The following RSPO3 variants were observed in gnomAD, a reference collection of about 807,000 sequenced individuals.
The protein encoded by RSPO3 is R-spondin 3, also known as R-spondin-3.
A neutral mutation model predicts 36.5 loss-of-function variants in RSPO3; 17 were observed. The ratio of observed to expected loss-of-function variants is 0.47; its 90% CI spans 0.32 to 0.70. The LOEUF (loss-of-function observed/expected upper bound fraction) is 0.70. Among genes scored for constraint, RSPO3 ranks in the 30% least tolerant of loss-of-function variants. The probability of loss-of-function intolerance (pLI) is 0.04; values close to 1 mark genes in which losing one functional copy is unlikely to be tolerated. For synonymous variants in RSPO3, 108 were observed against 107.0 expected, an observed-to-expected ratio of 1.01 and a Z score of -0.06; for missense variants, 294 against 322.5, an observed-to-expected ratio of 0.91 and a Z score of 0.68.
chr6:127,152,554 A>G (rs565840373), intron 3 of RSPO3, among the ~76,000 whole-genome samples: 2 of 152,256 alleles, frequency 1.3e-5, no homozygotes, highest in East Asian at 3.9e-4. Flanking sequence ...TAGTAGCCTG[A>G]CTTTAGCTTC....
chr6:127,189,726 T>C (rs1369947735), intron 4 of RSPO3, among the ~76,000 whole-genome samples: 1 of 152,130 alleles, frequency 6.6e-6, no homozygotes. Context: ...TTTAGTAGAG[T>C]ATGTAATGAT....
At chr6:127,161,465 T>C (rs1774709269) in intron 4 of RSPO3, among the ~76,000 whole-genome samples, 1 of 152,196 alleles carries the variant, frequency 6.6e-6, no homozygotes, top group Non-Finnish European at 1.5e-5. Context: ...CCTCTTACAA[T>C]TCAGACCAAG....
At chr6:127,148,506 A>G (rs1774429810) in intron 1 of RSPO3, 142 bp from the exon 2 acceptor site, 3 of 552,728 alleles carry the variant, frequency 5.4e-6, no homozygotes, top group Non-Finnish European at 9.3e-6. Flanking sequence ...ATAAAAAAAG[A>G]TAGGAAAAAA....
chr6:127,148,954 G>C (rs1774438034), intron 2 of RSPO3, 115 bp downstream of exon 2: 1 of 845,530 alleles, frequency 1.2e-6, no homozygotes, highest in Admixed American at 2.9e-5. Context: ...ATGTTTATCT[G>C]ATAATTAGGC....
intron 4 of RSPO3, among the ~76,000 whole-genome samples, chr6:127,182,406 T>G (rs1313311182): frequency 6.6e-6 from 1 of 151,856 alleles, no homozygotes; most frequent in Non-Finnish European, 1.5e-5. Context: ...TCTTTACCCC[T>G]TTAAAACTTT....
chr6:127,133,968 A>G (rs185642134), intron 1 of RSPO3, among the ~76,000 whole-genome samples: 54 of 152,292 alleles, frequency 3.5e-4, no homozygotes, highest in African/African-American at 1.2e-3. Flanking sequence ...GATAAATTAG[A>G]GCACTTTAGA....
At chr6:127,183,626 G>A (rs1048547882) in intron 4 of RSPO3, among the ~76,000 whole-genome samples, 2 of 151,952 alleles carry the variant, frequency 1.3e-5, no homozygotes, top group African/African-American at 4.8e-5. Flanking sequence ...TTCATTCAAC[G>A]AATATTTATA....
chr6:127,136,560 A>T (rs1774160134), intron 1 of RSPO3, among the ~76,000 whole-genome samples: 1 of 152,142 alleles, frequency 6.6e-6, no homozygotes, highest in African/African-American at 2.4e-5. Flanking sequence ...ACACTTTCTC[A>T]TCGTCTTATT....
chr6:127,175,677 A>C (rs1487639467), intron 4 of RSPO3, among the ~76,000 whole-genome samples: 2 of 151,766 alleles, frequency 1.3e-5, no homozygotes, highest in Admixed American at 6.6e-5. Context: ...CAGTTGTGAC[A>C]GTTCCTTCTA....
Position 127,197,485 on chromosome 6 carries a change from C to G in RSPO3, c.*1478C>G. On this transcript the variant is annotated 3_prime_UTR_variant, in exon 5 of 5. Coordinates refer to ENST00000356698, the MANE Select transcript of RSPO3 (RefSeq NM_032784.5). ...GTGTTTCACAGAGGACACAGCCCAC[C>G]CCTTGCAGGAGGAGGTATCTCTGAG... is the stretch of plus-strand genomic sequence containing the variant. 1 of 1,550,552 alleles carries G rather than the reference C, an allele frequency of 6.4e-7. No individual in the cohort carries two copies. The highest frequency in any genetic ancestry group is 8.7e-7 in the Non-Finnish European group (1 of 1,146,966).
Position 127,155,557 on chromosome 6 carries a change from C to T in RSPO3, c.634+119C>T. 8 of 946,356 alleles carry T rather than the reference C, an allele frequency of 8.5e-6. No homozygotes were observed. In the South Asian group the frequency reaches 1.3e-4, roughly 15 times the overall value. The allele number at this position is 946,356 out of a possible 1,614,324, so 58.6% of individuals were successfully genotyped here. ...CATGCCTAATATCCTAAAATGTGTA[C>T]CAAGCAAGAATATGCTGCTTGTAAA... On this transcript the variant is annotated intron_variant, in intron 4 of 4. Transcript: ENST00000356698.
Position 127,118,874 on chromosome 6 carries a change from T to G in RSPO3, c.-319T>G, listed in dbSNP as rs1313627016. 4.9e-4 allele frequency: 89 copies of G among 181,182 alleles called. No individual in the cohort carries two copies. The highest frequency in any genetic ancestry group is 4.6e-5 in the Non-Finnish European group (4 of 87,722). The allele number at this position is 181,182 out of a possible 1,614,324, so 11.2% of individuals were successfully genotyped here. On this transcript the variant is annotated 5_prime_UTR_variant, in exon 1 of 5. Transcript: ENST00000356698. ...GCCGCTCGCCCGCCCGGATCCCGCC[T>G]GCGGCAGTTGCCGCACAACATGCTA...
chr6:127,185,151 C>T (rs966899783), intron 4 of RSPO3, among the ~76,000 whole-genome samples: 7 of 151,956 alleles, frequency 4.6e-5, no homozygotes, highest in African/African-American at 1.2e-4. Context: ...CAGTTGTATT[C>T]CCCTCCAAGT....
Position 127,155,409 on chromosome 6 carries a change from A to G in RSPO3, c.605A>G (p.Gln202Arg), listed in dbSNP as rs1209547154. 2.5e-6 allele frequency: 4 copies of G among 1,613,604 alleles called. No homozygotes were observed. The African/African-American group carries it at 5.3e-5, about 22-fold the overall frequency. The stretch of plus-strand genomic sequence containing the variant: ...AATGAGACAAGAAAGTGTACAGTGC[A>G]AAGGAAGAAGTGTCAGAAGGGAGAA... ...PTNETRKCTV[Q>R]RKKCQKGERG... is the part of the protein sequence containing the mutation. Residue 202 changes from glutamine to arginine, a missense_variant, in exon 4 of 5, where the codon CAA (glutamine) becomes CGA (arginine). Around this residue, in one of 3 missense-constraint regions of RSPO3, gnomAD observed 190 missense variants for 185.2 expected, o/e 1.03. Coordinates refer to ENST00000356698, the MANE Select transcript of RSPO3 (RefSeq NM_032784.5).
intron 4 of RSPO3, among the ~76,000 whole-genome samples, chr6:127,158,392 T>C (rs1582799748): frequency 6.6e-6 from 1 of 152,108 alleles, no homozygotes; most frequent in East Asian, 1.9e-4. Context: ...AGGCTTTTCT[T>C]ATGAATTTAA....
At chr6:127,144,537 C>G (rs1562243689) in intron 1 of RSPO3, among the ~76,000 whole-genome samples, 1 of 151,700 alleles carries the variant, frequency 6.6e-6, no homozygotes, top group African/African-American at 2.4e-5. Flanking sequence ...CCTAGAAATT[C>G]AAAGTATTGT....
chr6:127,144,643 G>GTTTTTTTGTTTTTTTTTTTTTTTTT (rs763226451), intron 1 of RSPO3, among the ~76,000 whole-genome samples: 1 of 99,130 alleles, frequency 1.0e-5, no homozygotes, highest in African/African-American at 4.2e-5. Context: ...GCTTCCCCTT[G>GTTTTTTTGTTTTTTTTTTTTTTTTT]TTTTTTTTTT....
At chr6:127,182,186 A>G (rs886114266) in intron 4 of RSPO3, among the ~76,000 whole-genome samples, 3 of 151,886 alleles carry the variant, frequency 2.0e-5, no homozygotes, top group Non-Finnish European at 2.9e-5. Context: ...TACCATGAGA[A>G]TGGCACCAAG....
intron 4 of RSPO3, among the ~76,000 whole-genome samples, chr6:127,168,489 A>G (rs1051065417): frequency 6.6e-6 from 1 of 152,098 alleles, no homozygotes; most frequent in Non-Finnish European, 1.5e-5. Context: ...TTCTTTGTAC[A>G]TTCTGGATAT....
Sources: gnomAD v4.1 joint callset for allele counts (sites outside exome capture counted in the v4.1 genomes callset) on GRCh38, gnomAD v4.1.1 for gene constraint, gnomAD v4.1.1 regional missense constraint, MANE v1.5 for transcripts, NCBI Gene and HGNC (gene_info 2026-07-23, HGNC 2026-07-21) for gene names.